The following MTPAP variants were observed in gnomAD, a reference collection of about 807,000 sequenced individuals.
MTPAP encodes poly(A) RNA polymerase, mitochondrial.
A neutral mutation model predicts 48.7 loss-of-function variants in MTPAP; 23 were observed. The observed-to-expected ratio is 0.47, with a 90% CI of 0.34 to 0.67. The LOEUF (loss-of-function observed/expected upper bound fraction) is 0.67, where lower values mean the gene tolerates loss of function less well. MTPAP is among the 30% of genes least tolerant of loss of function. The pLI, the probability that MTPAP is intolerant of heterozygous loss-of-function variation, is 0.01. For synonymous variants in MTPAP, 257 were observed against 254.1 expected, an observed-to-expected ratio of 1.01 and a Z score of -0.11; for missense variants, 614 against 694.3, an observed-to-expected ratio of 0.88 and a Z score of 1.30.
chr10:30,329,952 G>A (rs1473647513), intron 4 of MTPAP, among the ~76,000 whole-genome samples: 2 of 147,958 alleles, frequency 1.4e-5, no homozygotes, highest in Non-Finnish European at 3.0e-5. Flanking sequence ...TAAAGATTAT[G>A]TTCTGGGTTT....
In MTPAP at chr10:30,313,733, G is replaced by A; in HGVS notation, c.1625C>T (p.Thr542Ile). 2 of 1,614,092 alleles carry A rather than the reference G, an allele frequency of 1.2e-6. No homozygotes were observed. The highest frequency in any genetic ancestry group is 8.5e-7 in the Non-Finnish European group (1 of 1,180,010). Residue 542 changes from threonine to isoleucine, a missense_variant, in exon 9 of 9, where the codon ACC (threonine) becomes ATC (isoleucine). Physicochemically the swap from Thr to Ile is moderately conservative, Grantham distance 89. Around this residue, in one of 5 missense-constraint regions of MTPAP, gnomAD observed 109 missense variants for 100.5 expected, o/e 1.08. Coordinates refer to ENST00000263063, the MANE Select transcript of MTPAP (RefSeq NM_018109.4). ...LPSAPNRKSF[T>I]KKKSNKFAIE... ...TGCAAACTTATTGCTTTTCTTCTTGGTAAAGGACTTTCTGTTTGGAGCAGA... is the reference window on the plus strand; with the variant it reads ...TGCAAACTTATTGCTTTTCTTCTTGATAAAGGACTTTCTGTTTGGAGCAGA...
In MTPAP at chr10:30,349,268, A is replaced by G; in HGVS notation, c.8T>C (p.Val3Ala). The G allele has an allele frequency of 4.1e-6, 6 of 1,462,142 alleles. No homozygotes were observed. Among genetic ancestry groups the G allele is most frequent in the Non-Finnish European group, 4.7e-6 (5 of 1,072,906 alleles). The allele number at this position is 1,462,142 out of a possible 1,614,324, so 90.6% of individuals were successfully genotyped here. A position where few individuals can be genotyped will look rare whatever the true frequency, so the allele number is the denominator to read the frequency against. ...ACGGGTCAAGAGCCCCACGCCGGGA[A>G]CCGCCATTGCTAAAAAAAAAAAAAA... Reference protein sequence around the residue: MAVPGVGLLTRLN... With the variant: MAAPGVGLLTRLN... The change falls in exon 1 of 9, where the codon GTT becomes GCT. Residue 3 changes from valine to alanine, a missense_variant. Val to Ala is a moderately conservative substitution (Grantham distance 64, BLOSUM62 0). Transcript: ENST00000263063.
At chr10:30,330,025 T>A (rs1397568954) in intron 4 of MTPAP, among the ~76,000 whole-genome samples, 1 of 152,142 alleles carries the variant, frequency 6.6e-6, no homozygotes, top group Non-Finnish European at 1.5e-5. Context: ...TATATTAAAT[T>A]ATTCACCGGG....
chr10:30,333,073 A>C (rs1051771872), intron 4 of MTPAP, among the ~76,000 whole-genome samples: 3 of 152,080 alleles, frequency 2.0e-5, no homozygotes, highest in African/African-American at 7.2e-5. Flanking sequence ...GTGAGCCGAG[A>C]TGGCACCGCT....
At chr10:30,322,699 C>T (rs1840739407) in intron 5 of MTPAP, 82 bp from the exon 6 acceptor site, 1 of 916,490 alleles carries the variant, frequency 1.1e-6, no homozygotes, top group South Asian at 1.4e-5. Context: ...CCAAGAAACA[C>T]ATCTAAATAT....
chr10:30,312,738 T>C lies in MTPAP; in HGVS notation c.*871A>G, dbSNP rs930440426. The stretch of plus-strand genomic sequence containing the variant: ...GTGGATGGTCCTGGAACCAATTTTC[T>C]GCATATACTGAGAGACAAATATGTC... On this transcript the variant is annotated 3_prime_UTR_variant, in exon 9 of 9. Transcript: ENST00000263063. The C allele has an allele frequency of 1.3e-5, 2 of 152,226 alleles. No homozygotes were observed. The highest frequency in any genetic ancestry group is 1.9e-4 in the East Asian group (1 of 5,182). The allele number at this position is 152,226 out of a possible 1,614,324, so 9.4% of individuals were successfully genotyped here.
chr10:30,317,774 C>T (rs1347965251), intron 6 of MTPAP, among the ~76,000 whole-genome samples: 2 of 152,124 alleles, frequency 1.3e-5, no homozygotes, highest in Non-Finnish European at 2.9e-5. Flanking sequence ...TCATTATTGC[C>T]CAACTCCCCA....
At chr10:30,318,198 T>A (rs1355709810) in intron 6 of MTPAP, among the ~76,000 whole-genome samples, 1 of 152,206 alleles carries the variant, frequency 6.6e-6, no homozygotes, top group African/African-American at 2.4e-5. Context: ...ACCAGAGAGA[T>A]AAATAAGCCT....
rs3074958 is a variant in MTPAP, at chr10:30,313,206, CTATT to C, written c.*399_*402del. ...TTTAGCATTTGTTTAGTATATTTAC[CTATT>C]TAGTTAAAGCACATTACAATAATCT... On this transcript the variant is annotated 3_prime_UTR_variant, in exon 9 of 9. Coordinates refer to ENST00000263063, the MANE Select transcript of MTPAP (RefSeq NM_018109.4). 0.1 allele frequency: 21,249 copies of C among 209,200 alleles called. 1,403 individuals are homozygous for C. The highest frequency in any genetic ancestry group is 0.12 in the Non-Finnish European group (12,724 of 102,594). 13.0% of individuals were successfully genotyped at this position (209,200 alleles called of 1,614,324 possible). A position where few individuals can be genotyped will look rare whatever the true frequency, so the allele number is the denominator to read the frequency against.
At chr10:30,334,482 G>A (rs1456854817) in intron 4 of MTPAP, among the ~76,000 whole-genome samples, 4 of 151,940 alleles carry the variant, frequency 2.6e-5, no homozygotes, top group South Asian at 4.2e-4. Context: ...CCAAAATGGC[G>A]AAATCCCATC....
intron 8 of MTPAP, among the ~76,000 whole-genome samples, chr10:30,314,361 TGAA>T (rs1840636150): frequency 6.6e-6 from 1 of 152,128 alleles, no homozygotes; most frequent in Non-Finnish European, 1.5e-5. Flanking sequence ...GAAAGTAAGA[TGAA>T]GATACGTTTA....
At chr10:30,317,021 C>T (rs778007664) in intron 6 of MTPAP, among the ~76,000 whole-genome samples, 7 of 152,078 alleles carry the variant, frequency 4.6e-5, no homozygotes, top group Non-Finnish European at 8.8e-5. Context: ...AATTTCTTGT[C>T]TATGATTTAA....
chr10:30,346,629 C>A (rs547229004), intron 1 of MTPAP, among the ~76,000 whole-genome samples: 90 of 152,320 alleles, frequency 5.9e-4, no homozygotes, highest in Non-Finnish European at 1.0e-3. Context: ...ACCTAATAAG[C>A]TGGGTAGCCT....
At chr10:30,339,263 C>A (rs1564523394) in intron 3 of MTPAP, among the ~76,000 whole-genome samples, 1 of 152,020 alleles carries the variant, frequency 6.6e-6, no homozygotes, top group Non-Finnish European at 1.5e-5. Context: ...GAAGTGGGCA[C>A]ATCACCTGAG....
intron 4 of MTPAP, among the ~76,000 whole-genome samples, chr10:30,335,710 GAAGA>G (rs1208184116): frequency 2.0e-5 from 3 of 152,028 alleles, no homozygotes; most frequent in Non-Finnish European, 2.9e-5. Context: ...CCAATAAAAG[GAAGA>G]AAGAAAGTGA....
At chr10:30,328,692 G>A (rs1834628049) in intron 4 of MTPAP, among the ~76,000 whole-genome samples, 1 of 152,258 alleles carries the variant, frequency 6.6e-6, no homozygotes, top group African/African-American at 2.4e-5. Context: ...CTGTAGGAGT[G>A]TACCCCACAT....
intron 8 of MTPAP, among the ~76,000 whole-genome samples, chr10:30,315,286 A>T (rs992898242): frequency 9.9e-5 from 15 of 152,224 alleles, no homozygotes; most frequent in African/African-American, 3.4e-4. Context: ...ATAAGGAGAA[A>T]GTATATCTGG....
At position 30,315,979 on chromosome 10, in the gene MTPAP, G is replaced by C. The variant is rs1259375317; in HGVS notation, c.1370C>G (p.Ser457Cys). ...YFGNFAFDKN[S>C]INIRQGREQN... The stretch of plus-strand genomic sequence containing the variant: ...ATTATTTACCTGTCGAATATTTATG[G>C]AATTTTTATCGAAAGCAAAATTGCC... The change falls in exon 8 of 9, where the codon TCC becomes TGC. Residue 457 changes from serine to cysteine, a missense_variant. By Grantham distance (112) the Ser-to-Cys change is moderately radical. Around this residue, in one of 5 missense-constraint regions of MTPAP, gnomAD observed 261 missense variants for 355.4 expected, o/e 0.73. Transcript: ENST00000263063. 2 of 1,599,768 alleles carry C rather than the reference G, an allele frequency of 1.3e-6. No homozygotes were observed. Among genetic ancestry groups the C allele is most frequent in the African/African-American group, 2.7e-5 (2 of 74,762 alleles).
chr10:30,326,099 T>A (rs1834592635), intron 5 of MTPAP, among the ~76,000 whole-genome samples: 1 of 152,134 alleles, frequency 6.6e-6, no homozygotes, highest in Non-Finnish European at 1.5e-5. Flanking sequence ...TTTTTTGCCA[T>A]CAGAAATTTC....
Sources: gnomAD v4.1 joint callset for allele counts (sites outside exome capture counted in the v4.1 genomes callset) on GRCh38, gnomAD v4.1.1 for gene constraint, gnomAD v4.1.1 regional missense constraint, MANE v1.5 for transcripts, NCBI Gene and HGNC (gene_info 2026-07-23, HGNC 2026-07-21) for gene names.